GRM7: variants seen among roughly 807,000 people sequenced by gnomAD.
GRM7 encodes metabotropic glutamate receptor 7.
A neutral mutation model predicts 84.5 loss-of-function variants in GRM7; 35 were observed. The ratio of observed to expected loss-of-function variants is 0.41; its 90% CI spans 0.32 to 0.55. GRM7 has a LOEUF of 0.55. GRM7 is among the 20% of genes least tolerant of loss of function. GRM7 has a pLI of 0.19. For missense variants in GRM7, 1,003 were observed against 1,194.6 expected (o/e 0.84, Z 2.36); for synonymous variants, 487 against 455.1 (o/e 1.07, Z -0.89).
chr3:7,677,298 A>T (rs1700173827), intron 8 of GRM7, among the ~76,000 whole-genome samples: 3 of 149,686 alleles, frequency 2.0e-5, no homozygotes, highest in Non-Finnish European at 4.4e-5. Flanking sequence ...AAAAAAACTT[A>T]CATATTACTT....
At chr3:7,064,165 GTGAGATTTT>G (rs1312007902) in intron 1 of GRM7, among the ~76,000 whole-genome samples, 1 of 151,058 alleles carries the variant, frequency 6.6e-6, no homozygotes, top group Non-Finnish European at 1.5e-5. Flanking sequence ...GTGGTGATTT[GTGAGATTTT>G]GGTGCACCTA....
intron 1 of GRM7, among the ~76,000 whole-genome samples, chr3:6,878,686 G>A (rs1475893237): frequency 6.6e-6 from 1 of 152,138 alleles, no homozygotes. Flanking sequence ...CACATGGCAA[G>A]CATGCCAAGC....
intron 1 of GRM7, among the ~76,000 whole-genome samples, chr3:7,130,585 A>G (rs948747865): frequency 6.6e-6 from 1 of 151,034 alleles, no homozygotes; most frequent in African/African-American, 2.4e-5. Context: ...TTAATGGCCC[A>G]TGGAGAGGAT....
intron 7 of GRM7, among the ~76,000 whole-genome samples, chr3:7,547,341 G>A (rs2125021644): frequency 6.6e-6 from 1 of 151,628 alleles, no homozygotes; most frequent in South Asian, 2.1e-4. Context: ...CAAGTAGCTG[G>A]GACTACAGGC....
chr3:7,547,313 T>TCTC (rs1693211868), intron 7 of GRM7, among the ~76,000 whole-genome samples: 2 of 148,936 alleles, frequency 1.3e-5, no homozygotes, highest in African/African-American at 5.0e-5. Context: ...TTCACGCCAT[T>TCTC]CTCCTGCCTC....
intron 1 of GRM7, among the ~76,000 whole-genome samples, chr3:6,988,608 G>A (rs1296709207): frequency 6.6e-6 from 1 of 152,010 alleles, no homozygotes; most frequent in East Asian, 1.9e-4. Context: ...GGTTATTGTT[G>A]TTTTCCCCCT....
intron 4 of GRM7, among the ~76,000 whole-genome samples, chr3:7,394,598 C>A (rs954807225): frequency 6.6e-6 from 1 of 151,706 alleles, no homozygotes; most frequent in African/African-American, 2.4e-5. Flanking sequence ...ATTTCATCTT[C>A]TTTTTTCCTC....
chr3:6,947,932 G>T (rs1403178986), intron 1 of GRM7, among the ~76,000 whole-genome samples: 1 of 152,042 alleles, frequency 6.6e-6, no homozygotes, highest in Admixed American at 6.5e-5. Context: ...GCATCGATTT[G>T]ATTCTTCTCT....
At chr3:6,867,200 C>G (rs1226735989) in intron 1 of GRM7, among the ~76,000 whole-genome samples, 1 of 152,176 alleles carries the variant, frequency 6.6e-6, no homozygotes, top group South Asian at 2.1e-4. Context: ...AGCATTATAG[C>G]AAAAGCAGCT....
chr3:7,267,517 G>A (rs900786496), intron 2 of GRM7, among the ~76,000 whole-genome samples: 1 of 152,188 alleles, frequency 6.6e-6, no homozygotes, highest in African/African-American at 2.4e-5. Flanking sequence ...AAAGAATAGA[G>A]AACAGAGTAG....
intron 1 of GRM7, among the ~76,000 whole-genome samples, chr3:7,072,066 C>T (rs985019762): frequency 6.6e-6 from 1 of 151,986 alleles, no homozygotes; most frequent in African/African-American, 2.4e-5. Flanking sequence ...CACATTATCT[C>T]TTAGCATTTC....
At chr3:7,489,111 C>T (rs925588543) in intron 7 of GRM7, among the ~76,000 whole-genome samples, 1 of 152,094 alleles carries the variant, frequency 6.6e-6, no homozygotes, top group Non-Finnish European at 1.5e-5. Context: ...CTACCCTCCT[C>T]AGAGTATTAA....
chr3:6,990,792 C>G (rs925520627), intron 1 of GRM7, among the ~76,000 whole-genome samples: 2 of 152,152 alleles, frequency 1.3e-5, no homozygotes, highest in East Asian at 3.8e-4. Context: ...TGTGCTTTCT[C>G]TTTAGTTTTT....
chr3:6,961,789 G>A (rs1438627389), intron 1 of GRM7, among the ~76,000 whole-genome samples: 3 of 151,912 alleles, frequency 2.0e-5, no homozygotes, highest in African/African-American at 7.3e-5. Flanking sequence ...CCTCCCTTCT[G>A]TCCCACTGGA....
intron 1 of GRM7, among the ~76,000 whole-genome samples, chr3:7,016,997 C>T (rs1243271558): frequency 3.3e-5 from 5 of 152,116 alleles, no homozygotes; most frequent in South Asian, 4.2e-4. Context: ...AGTCTTAGGC[C>T]GCACTCCAGG....
chr3:7,560,678 G>A (rs1248549162), intron 7 of GRM7, among the ~76,000 whole-genome samples: 1 of 152,010 alleles, frequency 6.6e-6, no homozygotes, highest in Non-Finnish European at 1.5e-5. Context: ...AGCTTTTCCT[G>A]CTTCAGGATC....
chr3:7,112,487 G>A (rs1160904870), intron 1 of GRM7, among the ~76,000 whole-genome samples: 1 of 152,114 alleles, frequency 6.6e-6, no homozygotes, highest in Non-Finnish European at 1.5e-5. Flanking sequence ...GCCTCCCAAA[G>A]TGCTGGGATT....
At chr3:7,260,153 A>T (rs1189923296) in intron 2 of GRM7, among the ~76,000 whole-genome samples, 4 of 150,902 alleles carry the variant, frequency 2.7e-5, no homozygotes. Flanking sequence ...TTTTCTTGTA[A>T]ATTTATGTAA....
At chr3:7,389,122 T>A (rs1180132794) in intron 4 of GRM7, among the ~76,000 whole-genome samples, 1 of 152,140 alleles carries the variant, frequency 6.6e-6, no homozygotes, top group Non-Finnish European at 1.5e-5. Flanking sequence ...CTGCCTTAAT[T>A]TCCTTGTTTA....
Sources: allele counts gnomAD v4.1 joint callset (sites outside exome capture counted in the v4.1 genomes callset), GRCh38; gene constraint gnomAD v4.1.1; transcripts MANE v1.5; gene names NCBI Gene and HGNC (gene_info 2026-07-23, HGNC 2026-07-21).